ZNF804A: variants seen among roughly 807,000 people sequenced by gnomAD.
The protein encoded by ZNF804A is zinc finger protein 804A.
In ZNF804A, 2 loss-of-function variants were observed where a neutral mutation model predicts 16.5. The observed-to-expected ratio is 0.12, with a 90% CI of 0.05 to 0.38. ZNF804A has a LOEUF of 0.38. Ranked by LOEUF, ZNF804A falls within the 10% of genes least tolerant of loss-of-function variation. The pLI is 0.99. For missense variants in ZNF804A, 1,473 were observed against 1,390.7 expected, an observed-to-expected ratio of 1.06 and a Z score of -0.94; for synonymous variants, 534 against 489.6, an observed-to-expected ratio of 1.09 and a Z score of -1.20.
chr2:184,830,732 T>C (rs543949153), intron 1 of ZNF804A, among the ~76,000 whole-genome samples: 2 of 152,202 alleles, frequency 1.3e-5, no homozygotes, highest in South Asian at 4.1e-4. Flanking sequence ...AACTTTGATA[T>C]TGATATTTCA....
rs552028123 is a variant in ZNF804A, at chr2:184,874,465, G to T, written c.255+7953G>T. 6.6e-5 allele frequency among the ~76,000 whole-genome samples: 10 copies of T among 152,106 alleles called. No individual in the cohort carries two copies. The South Asian group carries it at 2.1e-3, about 32-fold the overall frequency. On this transcript the variant is annotated intron_variant, in intron 2 of 3. Transcript: ENST00000302277. ...AATTTTCTGCAACTGCCCTATTACA[G>T]ATATAGAAGCTGTCTTAATTTCAGG... is the stretch of plus-strand genomic sequence containing the variant.
intron 1 of ZNF804A, among the ~76,000 whole-genome samples, chr2:184,774,898 G>A (rs994225168): frequency 6.6e-6 from 1 of 151,524 alleles, no homozygotes; most frequent in Non-Finnish European, 1.5e-5. Flanking sequence ...TACCCTTCAT[G>A]AGGGAAGAGA....
intron 1 of ZNF804A, among the ~76,000 whole-genome samples, chr2:184,811,254 T>C (rs563199915): frequency 7.2e-5 from 11 of 152,186 alleles, no homozygotes; most frequent in Non-Finnish European, 1.6e-4. Context: ...ACACCAGCTG[T>C]AGTGCATACC....
intron 1 of ZNF804A, among the ~76,000 whole-genome samples, chr2:184,706,986 G>A (rs1350580213): frequency 6.6e-6 from 1 of 152,108 alleles, no homozygotes; most frequent in Non-Finnish European, 1.5e-5. Flanking sequence ...GTCCTTATGT[G>A]CCACATTTTT....
intron 1 of ZNF804A, among the ~76,000 whole-genome samples, chr2:184,810,708 T>C (rs780132618): frequency 6.6e-6 from 1 of 152,032 alleles, no homozygotes; most frequent in Non-Finnish European, 1.5e-5. Context: ...GCCAGGATGG[T>C]CTCGATCTCC....
rs1239206937 is a variant in ZNF804A at position 184,598,933 on chromosome 2, T to C, written c.-27T>C. 2.7e-6 allele frequency: 4 copies of C among 1,479,198 alleles called. No individual in the cohort carries two copies. Among genetic ancestry groups the C allele is most frequent in the Non-Finnish European group, 3.7e-6 (4 of 1,089,920 alleles). The allele number at this position is 1,479,198 out of a possible 1,614,324, so 91.6% of individuals were successfully genotyped here. ...GCGCGGGGTGCGTGGAAGCGGCGGC[T>C]GCGGCGGAGGAGGCGGCGGCTGCCC... is the stretch of plus-strand genomic sequence containing the variant. On this transcript the variant is annotated 5_prime_UTR_variant, in exon 1 of 4. Coordinates refer to ENST00000302277, the MANE Select transcript of ZNF804A (RefSeq NM_194250.2).
intron 2 of ZNF804A, among the ~76,000 whole-genome samples, chr2:184,898,533 G>T (rs766034225): frequency 2.0e-5 from 3 of 152,006 alleles, no homozygotes; most frequent in Non-Finnish European, 4.4e-5. Flanking sequence ...GAATTCAACT[G>T]CAAATTGTTT....
chr2:184,666,877 A>G (rs185324318), intron 1 of ZNF804A, among the ~76,000 whole-genome samples: 4 of 152,136 alleles, frequency 2.6e-5, no homozygotes, highest in Non-Finnish European at 4.4e-5. Context: ...TTGCTAGAAA[A>G]ATTGAATTGC....
chr2:184,634,204 T>C (rs1691657870), intron 1 of ZNF804A, among the ~76,000 whole-genome samples: 1 of 152,230 alleles, frequency 6.6e-6, no homozygotes, highest in South Asian at 2.1e-4. Context: ...TTTTCATTAT[T>C]CTTTTGCATA....
chr2:184,913,548 G>C (rs370815115), intron 2 of ZNF804A, among the ~76,000 whole-genome samples: 5 of 152,230 alleles, frequency 3.3e-5, no homozygotes, highest in Admixed American at 2.6e-4. Context: ...ATTCTTGGTT[G>C]ACAGTTCCTT....
intron 2 of ZNF804A, among the ~76,000 whole-genome samples, chr2:184,868,279 C>T (rs1485288915): frequency 6.6e-6 from 1 of 152,036 alleles, no homozygotes; most frequent in African/African-American, 2.4e-5. Flanking sequence ...TCTATAGAAT[C>T]TTTTATGCCT....
chr2:184,744,561 A>G (rs1693759176), intron 1 of ZNF804A, among the ~76,000 whole-genome samples: 2 of 151,916 alleles, frequency 1.3e-5, no homozygotes, highest in African/African-American at 4.8e-5. Context: ...GTCCGAATCT[A>G]TTGCAACCTT....
rs573874765 is a variant in ZNF804A at position 184,836,250 on chromosome 2, G to T, written c.112-30119G>T. Reference sequence around the variant, plus strand: ...AGGATAGATAATGAGTGCCATTATGGCAGGGCCTGTTCTTTGTTTGCTGCC... The same window carrying T: ...AGGATAGATAATGAGTGCCATTATGTCAGGGCCTGTTCTTTGTTTGCTGCC... On this transcript the variant is annotated intron_variant, in intron 1 of 3. Transcript: ENST00000302277. 9.7e-4 allele frequency among the ~76,000 whole-genome samples: 148 copies of T among 152,232 alleles called. 1 individual carries two copies. The highest frequency in any genetic ancestry group is 3.4e-3 in the African/African-American group (143 of 41,554).
intron 1 of ZNF804A, among the ~76,000 whole-genome samples, chr2:184,685,750 T>A (rs1257167400): frequency 6.6e-6 from 1 of 152,158 alleles, no homozygotes; most frequent in Non-Finnish European, 1.5e-5. Flanking sequence ...GGACTCTACC[T>A]GGAACAGGCA....
intron 1 of ZNF804A, among the ~76,000 whole-genome samples, chr2:184,783,361 G>T (rs148415919): frequency 1.3e-5 from 2 of 151,432 alleles, no homozygotes; most frequent in African/African-American, 2.4e-5. Flanking sequence ...ATTTGTTAAA[G>T]TACATTTTAA....
At chr2:184,752,687 C>T (rs972557037) in intron 1 of ZNF804A, among the ~76,000 whole-genome samples, 1 of 151,662 alleles carries the variant, frequency 6.6e-6, no homozygotes, top group South Asian at 2.1e-4. Flanking sequence ...CAAATCAGAG[C>T]TGATAATATT....
chr2:184,663,098 T>G (rs934973514), intron 1 of ZNF804A, among the ~76,000 whole-genome samples: 8 of 152,186 alleles, frequency 5.3e-5, no homozygotes, highest in Non-Finnish European at 1.2e-4. Flanking sequence ...GCATGCTCAA[T>G]GGACCTGGCA....
intron 1 of ZNF804A, among the ~76,000 whole-genome samples, chr2:184,853,990 G>C (rs1417350948): frequency 1.3e-5 from 2 of 151,526 alleles, no homozygotes; most frequent in Non-Finnish European, 2.9e-5. Flanking sequence ...AGAAGGATTG[G>C]TATTAGCCTT....
chr2:184,809,192 A>T (rs888200714), intron 1 of ZNF804A, among the ~76,000 whole-genome samples: 54 of 152,036 alleles, frequency 3.6e-4, no homozygotes, highest in African/African-American at 1.3e-3. Flanking sequence ...TAGGGTATTA[A>T]TTTGGTTATA....
Sources: gnomAD v4.1 joint callset for allele counts (sites outside exome capture counted in the v4.1 genomes callset) on GRCh38, gnomAD v4.1.1 for gene constraint, MANE v1.5 for transcripts, NCBI Gene and HGNC (gene_info 2026-07-23, HGNC 2026-07-21) for gene names.